Variants in HTR3B observed in about 807,000 individuals in gnomAD.
HTR3B encodes the protein 5-hydroxytryptamine receptor 3B.
Under a neutral mutation model 42.8 loss-of-function variants are expected in HTR3B, and 44 were observed. That is an observed-to-expected ratio of 1.03 (90% CI 0.81 to 1.32). HTR3B has a LOEUF of 1.32. Ranked by LOEUF, HTR3B falls within the 40% of genes most tolerant of loss-of-function variation. HTR3B has a pLI of 0.00. For missense variants in HTR3B, 527 were observed against 536.5 expected, an observed-to-expected ratio of 0.98 and a Z score of 0.17; for synonymous variants, 203 against 209.0, an observed-to-expected ratio of 0.97 and a Z score of 0.25.
chr11:113,904,728 C>T (rs148581308), upstream of HTR3B: 464 of 515,914 alleles, frequency 9.0e-4, 9 homozygotes, highest in East Asian at 0.015. Context: ...GATTTCATGA[C>T]GGCATCAATT....
At chr11:113,914,085 A>G (rs1391156713) in intron 2 of HTR3B, among the ~76,000 whole-genome samples, 2 of 151,932 alleles carry the variant, frequency 1.3e-5, no homozygotes, top group African/African-American at 4.8e-5. Context: ...AGGTTTTCAG[A>G]TACAGGAACA....
chr11:113,904,035 T>A (rs573009652), upstream of HTR3B, among the ~76,000 whole-genome samples: 10 of 152,322 alleles, frequency 6.6e-5, no homozygotes, highest in South Asian at 2.1e-3. Flanking sequence ...ATAATCTCAT[T>A]TTTAATAAAA....
At chr11:113,901,907 C>A (rs1431766352), upstream of HTR3B, among the ~76,000 whole-genome samples, 2 of 152,158 alleles carry the variant, frequency 1.3e-5, no homozygotes, top group African/African-American at 4.8e-5. Context: ...CATTGCTTTC[C>A]CATAAAAACT....
chr11:113,942,543 A>G (rs1019846583), intron 6 of HTR3B, among the ~76,000 whole-genome samples: 2 of 152,252 alleles, frequency 1.3e-5, no homozygotes, highest in African/African-American at 4.8e-5. Flanking sequence ...TTTCTCACTT[A>G]CCAGCTGGGT....
chr11:113,903,281 T>C (rs544685481), upstream of HTR3B, among the ~76,000 whole-genome samples: 1 of 152,254 alleles, frequency 6.6e-6, no homozygotes, highest in African/African-American at 2.4e-5. Context: ...TTGGCAAGAC[T>C]ATACCGGAAG....
chr11:113,930,454 A>G lies in HTR3B; in HGVS notation c.214-930A>G, dbSNP rs191677064. ...GTTCTTTACTAGATTAGATATGAAA[A>G]AAATTGGTGAGGAGGGTTTTTTTTT... On this transcript the variant is annotated intron_variant, in intron 2 of 8. Transcript: ENST00000260191. Among the ~76,000 whole-genome samples, 11 of 151,706 alleles carry G rather than the reference A, an allele frequency of 7.3e-5. No homozygotes were observed. The East Asian group carries it at 2.1e-3, about 29-fold the overall frequency.
At chr11:113,932,149 A>T (rs1386642431) in intron 4 of HTR3B, 140 bp from the exon 5 acceptor site, 2 of 704,282 alleles carry the variant, frequency 2.8e-6, no homozygotes, top group African/African-American at 1.8e-5. Flanking sequence ...AGGGTGAATC[A>T]TCTCATGGAA....
chr11:113,940,329 G>T (rs895874316), intron 6 of HTR3B, among the ~76,000 whole-genome samples: 1 of 152,144 alleles, frequency 6.6e-6, no homozygotes, highest in South Asian at 2.1e-4. Flanking sequence ...AGTCAGCAGG[G>T]GTGGTCACCC....
intron 6 of HTR3B, among the ~76,000 whole-genome samples, chr11:113,942,548 C>T (rs963482836): frequency 6.6e-6 from 1 of 152,212 alleles, no homozygotes; most frequent in African/African-American, 2.4e-5. Context: ...CACTTACCAG[C>T]TGGGTGAGTT....
In HTR3B at chr11:113,906,233, T is replaced by C. The variant is rs772478007; in HGVS notation, c.52+1248T>C. 7.0e-4 allele frequency among the ~76,000 whole-genome samples: 107 copies of C among 152,318 alleles called. 1 individual carries two copies. Among genetic ancestry groups the C allele is most frequent in the Non-Finnish European group, 1.3e-3 (90 of 68,028 alleles). ...TGTGGAATTGTACTGGGTTTTACTA[T>C]GTTTACTTTACGTATTTTACTATAT... On this transcript the variant is annotated intron_variant, in intron 1 of 8. Transcript: ENST00000260191.
rs73556642 is a variant in HTR3B at position 113,944,785 on chromosome 11, G to A, written c.1090+30G>A. Reference sequence around the variant, plus strand: ...GTGAGAAGCCTTGTGTTTCTCCCCCGTCTGGATTGATCACCTTAAAAATTC... The same window carrying A: ...GTGAGAAGCCTTGTGTTTCTCCCCCATCTGGATTGATCACCTTAAAAATTC... On this transcript the variant is annotated intron_variant, in intron 8 of 8. Transcript: ENST00000260191. 11,474 of 1,600,350 alleles carry A rather than the reference G, an allele frequency of 7.2e-3. 594 individuals carry two copies. In the African/African-American group the frequency reaches 0.13, roughly 18 times the overall value.
upstream of HTR3B, among the ~76,000 whole-genome samples, chr11:113,900,136 T>C (rs1949687641): frequency 6.6e-6 from 1 of 152,046 alleles, no homozygotes; most frequent in South Asian, 2.1e-4. Flanking sequence ...CATGCACCTG[T>C]AGTCCCAGCT....
At chr11:113,945,692 A>G (rs991634930) in intron 8 of HTR3B, among the ~76,000 whole-genome samples, 5 of 152,338 alleles carry the variant, frequency 3.3e-5, no homozygotes, top group African/African-American at 1.2e-4. Flanking sequence ...CTGCTTACAT[A>G]ATAACAGCTC....
In HTR3B at chr11:113,908,430, T is replaced by C. The variant is rs149881317; in HGVS notation, c.53-865T>C. 6.4e-4 allele frequency among the ~76,000 whole-genome samples: 98 copies of C among 152,316 alleles called. No homozygotes were observed. The Middle Eastern group carries it at 0.014, about 21-fold the overall frequency. On this transcript the variant is annotated intron_variant, in intron 1 of 8. Coordinates refer to ENST00000260191, the MANE Select transcript of HTR3B (RefSeq NM_006028.5). Reference sequence around the variant, plus strand: ...ACAGAGAGATTTCACTCACGCACTTTGTCAGGAGGTGTGCAATTTGCTTCG... The same window carrying C: ...ACAGAGAGATTTCACTCACGCACTTCGTCAGGAGGTGTGCAATTTGCTTCG...
At chr11:113,937,574 G>A (rs183233490) in intron 6 of HTR3B, among the ~76,000 whole-genome samples, 3 of 152,332 alleles carry the variant, frequency 2.0e-5, no homozygotes, top group Admixed American at 6.5e-5. Flanking sequence ...TAGGAGATGA[G>A]TGATCCAAGT....
intron 1 of HTR3B, among the ~76,000 whole-genome samples, chr11:113,906,234 GTTTAC>G (rs998370019): frequency 1.3e-5 from 2 of 152,116 alleles, no homozygotes; most frequent in African/African-American, 4.8e-5. Flanking sequence ...GTTTTACTAT[GTTTAC>G]TTTACGTATT....
chr11:113,944,560 T>A lies in HTR3B; in HGVS notation c.908-13T>A. 1.2e-6 allele frequency: 2 copies of A among 1,611,174 alleles called. No homozygotes were observed. The highest frequency in any genetic ancestry group is 1.7e-6 in the Non-Finnish European group (2 of 1,177,552). ...GACTGGAGGCTAACTGCACCTCTTCTGGCTTCTCTCAGGGCACTTCTTCAC... is the reference window on the plus strand; with the variant it reads ...GACTGGAGGCTAACTGCACCTCTTCAGGCTTCTCTCAGGGCACTTCTTCAC... On this transcript the variant is annotated splice_polypyrimidine_tract_variant and intron_variant, in intron 7 of 8. Transcript: ENST00000260191.
chr11:113,932,788 TC>T, intron 5 of HTR3B, 147 bp from the exon 6 acceptor site: 2 of 747,296 alleles, frequency 2.7e-6, no homozygotes, highest in South Asian at 3.6e-5. Flanking sequence ...TTATTCCACA[TC>T]CCTACCCCCT....
In HTR3B at chr11:113,949,052, T is replaced by A. The variant is rs2137547164; in HGVS notation, c.*2915T>A. Among the ~76,000 whole-genome samples the A allele has an allele frequency of 6.6e-6, 1 of 152,256 alleles. No individual in the cohort carries two copies. Among genetic ancestry groups the A allele is most frequent in the Non-Finnish European group, 1.5e-5 (1 of 68,016 alleles). On this transcript the variant is annotated 3_prime_UTR_variant, in exon 9 of 9. Transcript: ENST00000260191. ...AAAAAGTAAATAATGCATCACAAAA[T>A]AAAGATAAGACCTGCTTGCTATCAA...
Sources: allele counts gnomAD v4.1 joint callset (sites outside exome capture counted in the v4.1 genomes callset), GRCh38; gene constraint gnomAD v4.1.1; transcripts MANE v1.5; gene names NCBI Gene and HGNC (gene_info 2026-07-23, HGNC 2026-07-21).